KLHL1: variants seen among roughly 807,000 people sequenced by gnomAD.
KLHL1 encodes kelch like family member 1, also known as kelch-like protein 1.
A neutral mutation model predicts 77.7 loss-of-function variants in KLHL1; 47 were observed. The ratio of observed to expected loss-of-function variants is 0.60; its 90% confidence interval spans 0.48 to 0.77. KLHL1 has a LOEUF of 0.77. Among genes scored for constraint, KLHL1 ranks in the 30% least tolerant of loss-of-function variants. KLHL1 has a pLI of 0.00. For synonymous variants in KLHL1, 360 were observed against 325.2 expected, an observed-to-expected ratio of 1.11 and a Z score of -1.15; for missense variants, 925 against 910.8, an observed-to-expected ratio of 1.02 and a Z score of -0.20.
chr13:69,743,708 C>T (rs1874078906), intron 7 of KLHL1, among the ~76,000 whole-genome samples: 2 of 151,680 alleles, frequency 1.3e-5, no homozygotes, highest in African/African-American at 2.4e-5. Flanking sequence ...ATTGCTTCAA[C>T]CTGGGAGGCA....
intron 6 of KLHL1, among the ~76,000 whole-genome samples, chr13:69,799,043 C>T (rs1381008680): frequency 3.3e-5 from 5 of 151,492 alleles, no homozygotes; most frequent in African/African-American, 9.7e-5. Context: ...GAGCTGAGAT[C>T]GTGCCACTGC....
intron 8 of KLHL1, among the ~76,000 whole-genome samples, chr13:69,732,956 C>A (rs1873613859): frequency 6.6e-6 from 1 of 152,062 alleles, no homozygotes; most frequent in Non-Finnish European, 1.5e-5. Context: ...ATCATTTTAA[C>A]CATGTCTTTT....
intron 5 of KLHL1, among the ~76,000 whole-genome samples, chr13:69,843,156 A>G (rs1037684314): frequency 6.6e-6 from 1 of 151,688 alleles, no homozygotes; most frequent in Non-Finnish European, 1.5e-5. Flanking sequence ...ACCTAACAAA[A>G]ATGTATTGTT....
chr13:69,902,259 T>A (rs1349680223), intron 4 of KLHL1, among the ~76,000 whole-genome samples: 2 of 152,178 alleles, frequency 1.3e-5, no homozygotes, highest in African/African-American at 4.8e-5. Flanking sequence ...TTCTTTCATG[T>A]TTGTTCAACA....
chr13:70,020,425 T>C (rs1400666576), intron 1 of KLHL1, among the ~76,000 whole-genome samples: 6 of 152,206 alleles, frequency 3.9e-5, no homozygotes, highest in African/African-American at 1.4e-4. Flanking sequence ...TATTTCTTCA[T>C]GCCTTACAGA....
intron 3 of KLHL1, among the ~76,000 whole-genome samples, chr13:69,947,438 G>A (rs897898660): frequency 6.6e-6 from 1 of 151,692 alleles, no homozygotes. Context: ...TAACTTACAG[G>A]GTTTTTACGA....
chr13:69,720,953 A>G (rs1387734342), intron 8 of KLHL1, among the ~76,000 whole-genome samples: 1 of 136,288 alleles, frequency 7.3e-6, no homozygotes, highest in African/African-American at 2.7e-5. Context: ...GTGTGAAAGG[A>G]AAATAAATCC....
chr13:69,708,519 T>G (rs536699426), intron 9 of KLHL1, among the ~76,000 whole-genome samples: 21 of 152,104 alleles, frequency 1.4e-4, no homozygotes, highest in African/African-American at 4.8e-4. Flanking sequence ...TGAACACAAC[T>G]GGGTTTAGTG....
chr13:70,085,675 C>T (rs970477442), intron 1 of KLHL1, among the ~76,000 whole-genome samples: 1 of 152,004 alleles, frequency 6.6e-6, no homozygotes, highest in African/African-American at 2.4e-5. Context: ...ATCAGCCTGG[C>T]CAAATAGGTG....
intron 9 of KLHL1, among the ~76,000 whole-genome samples, chr13:69,710,492 G>C (rs532543781): frequency 6.6e-6 from 1 of 151,962 alleles, no homozygotes; most frequent in South Asian, 2.1e-4. Flanking sequence ...CAAAATCTGA[G>C]TGACCTGACA....
At chr13:69,968,929 G>A (rs1048418874) in intron 2 of KLHL1, among the ~76,000 whole-genome samples, 1 of 152,108 alleles carries the variant, frequency 6.6e-6, no homozygotes, top group East Asian at 1.9e-4. Context: ...AAGAATTATA[G>A]TGATGCTTAC....
chr13:69,781,820 CACTTT>C (rs777292095), intron 7 of KLHL1, among the ~76,000 whole-genome samples: 19 of 152,118 alleles, frequency 1.2e-4, no homozygotes, highest in Non-Finnish European at 2.6e-4. Flanking sequence ...TTCTGACTTT[CACTTT>C]ACTTCTCTAC....
intron 6 of KLHL1, among the ~76,000 whole-genome samples, chr13:69,831,422 C>G (rs773396795): frequency 6.7e-6 from 1 of 149,360 alleles, no homozygotes; most frequent in Non-Finnish European, 1.5e-5. Context: ...CTGAACAGAC[C>G]AATAACAAGG....
intron 2 of KLHL1, among the ~76,000 whole-genome samples, chr13:69,964,080 G>T (rs1326449400): frequency 2.0e-5 from 3 of 151,826 alleles, no homozygotes; most frequent in Non-Finnish European, 4.4e-5. Flanking sequence ...CTCTTGCTTT[G>T]TCACCCAGGC....
In KLHL1 at chr13:69,701,615, T is replaced by C. The variant is rs1875398832; in HGVS notation, c.*87A>G. ...AGAGATCCTTGTTCTTGAAGAGTTTTCATCTCTGGAAGTTCTCATTCTTGC... is the reference window on the plus strand; with the variant it reads ...AGAGATCCTTGTTCTTGAAGAGTTTCCATCTCTGGAAGTTCTCATTCTTGC... On this transcript the variant is annotated 3_prime_UTR_variant, in exon 11 of 11. Transcript: ENST00000377844. The C allele has an allele frequency of 8.9e-6, 8 of 903,350 alleles. No individual in the cohort carries two copies. In the South Asian group the frequency reaches 8.9e-5, roughly 10 times the overall value. The allele number at this position is 903,350 out of a possible 1,614,324, so 56.0% of individuals were successfully genotyped here. A position where few individuals can be genotyped will look rare whatever the true frequency, so the allele number is the denominator to read the frequency against.
intron 5 of KLHL1, among the ~76,000 whole-genome samples, chr13:69,879,110 C>T (rs1051923403): frequency 1.3e-5 from 2 of 151,924 alleles, no homozygotes; most frequent in South Asian, 2.1e-4. Flanking sequence ...GTAGGAGATA[C>T]GAGTTGATGG....
At position 69,871,834 on chromosome 13, in the gene KLHL1, T is replaced by C. The variant is rs149955396; in HGVS notation, c.1227+10449A>G. Among the ~76,000 whole-genome samples, 241 of 152,130 alleles carry C rather than the reference T, an allele frequency of 1.6e-3. 1 individual carries two copies. Among genetic ancestry groups the C allele is most frequent in the African/African-American group, 5.3e-3 (218 of 41,516 alleles). On this transcript the variant is annotated intron_variant, in intron 5 of 10. Transcript: ENST00000377844. ...TTGTCAGTATGGCTTTTCTTGTCTA[T>C]ATTTCTATCAGCATATTGGTCACAA...
intron 1 of KLHL1, among the ~76,000 whole-genome samples, chr13:70,067,061 T>C (rs190338674): frequency 6.6e-6 from 1 of 152,166 alleles, no homozygotes; most frequent in African/African-American, 2.4e-5. Flanking sequence ...AACGAAGTCC[T>C]GTACTCCAGT....
chr13:69,912,726 T>C (rs955381664), intron 4 of KLHL1, among the ~76,000 whole-genome samples: 5 of 152,158 alleles, frequency 3.3e-5, no homozygotes, highest in African/African-American at 1.2e-4. Context: ...CTCTGCCCCT[T>C]ATCTCAACTC....
Sources: allele counts gnomAD v4.1 joint callset (sites outside exome capture counted in the v4.1 genomes callset), GRCh38; gene constraint gnomAD v4.1.1; transcripts MANE v1.5; gene names NCBI Gene and HGNC (gene_info 2026-07-23, HGNC 2026-07-21).